PPP1R9A: variants seen among roughly 807,000 people sequenced by gnomAD.
The protein encoded by PPP1R9A is neurabin-1.
PPP1R9A carries 59 observed loss-of-function variants against 141.9 expected under a neutral mutation model. That is an observed-to-expected ratio of 0.42 (90% confidence interval 0.34 to 0.52). PPP1R9A has a LOEUF of 0.52. PPP1R9A is among the 20% of genes least tolerant of loss of function. PPP1R9A has a pLI of 0.10. For missense variants in PPP1R9A, 1,444 were observed against 1,611.9 expected (o/e 0.90, Z 1.78); for synonymous variants, 500 against 569.7 (o/e 0.88, Z 1.74).
At chr7:95,219,109 G>C (rs1793997364) in intron 7 of PPP1R9A, among the ~76,000 whole-genome samples, 1 of 152,134 alleles carries the variant, frequency 6.6e-6, no homozygotes, top group East Asian at 1.9e-4. Context: ...GGTGGTACTG[G>C]TTGTTCCTTT....
At chr7:95,151,941 CTTTTTTTTTTTTTT>C (rs1167382285) in intron 4 of PPP1R9A, among the ~76,000 whole-genome samples, 6 of 54,448 alleles carry the variant, frequency 1.1e-4, no homozygotes, top group South Asian at 7.4e-4. Context: ...TACTGAGAAT[CTTTTTTTTTTTTTT>C]TTTTTTTTTT....
At chr7:95,280,970 A>G (rs1037912811) in intron 16 of PPP1R9A, among the ~76,000 whole-genome samples, 4 of 152,206 alleles carry the variant, frequency 2.6e-5, no homozygotes, top group African/African-American at 9.6e-5. Context: ...TTCTGCTTCT[A>G]TTGTGGGCCC....
At chr7:95,061,288 G>A (rs1812197675) in intron 2 of PPP1R9A, among the ~76,000 whole-genome samples, 1 of 152,164 alleles carries the variant, frequency 6.6e-6, no homozygotes, top group Admixed American at 6.5e-5. Flanking sequence ...ATACGTGTAT[G>A]AGCTAACATC....
intron 7 of PPP1R9A, among the ~76,000 whole-genome samples, chr7:95,208,250 A>C (rs568052736): frequency 1.7e-4 from 26 of 152,294 alleles, no homozygotes; most frequent in South Asian, 4.1e-4. Context: ...CATAGATTAC[A>C]CTCTAGAAGA....
chr7:95,256,336 A>C (rs1799583266), intron 12 of PPP1R9A, among the ~76,000 whole-genome samples: 1 of 152,194 alleles, frequency 6.6e-6, no homozygotes, highest in Non-Finnish European at 1.5e-5. Context: ...AAACCTACTC[A>C]TATAAAATCA....
At chr7:95,060,127 C>G (rs1248959599) in intron 2 of PPP1R9A, among the ~76,000 whole-genome samples, 2 of 152,184 alleles carry the variant, frequency 1.3e-5, no homozygotes, top group Non-Finnish European at 2.9e-5. Context: ...GAAACACCAG[C>G]TCTGTAAGTA....
At chr7:95,000,184 C>T (rs1802720246) in intron 2 of PPP1R9A, among the ~76,000 whole-genome samples, 2 of 152,012 alleles carry the variant, frequency 1.3e-5, no homozygotes, top group African/African-American at 4.8e-5. Flanking sequence ...TTTTTCATAC[C>T]CATCATTGTG....
chr7:95,240,474 T>C (rs1409508677), intron 8 of PPP1R9A, among the ~76,000 whole-genome samples: 1 of 152,044 alleles, frequency 6.6e-6, no homozygotes, highest in Non-Finnish European at 1.5e-5. Context: ...GGTTTTATTT[T>C]GTCTTTTTTT....
chr7:94,911,013 C>G lies in PPP1R9A; in HGVS notation c.900C>G (p.Ser300Arg), dbSNP rs143733144. Residue 300 changes from serine to arginine, a missense_variant, in exon 2 of 20, where the codon AGC becomes AGG. Physicochemically the swap from Ser to Arg is moderately radical, Grantham distance 110. Transcript: ENST00000433360. ...ASIPGEEIQQSKEPEDSTSNQ... is the reference protein window; with the variant it reads ...ASIPGEEIQQRKEPEDSTSNQ... Reference sequence around the variant, plus strand: ...TACCTGGTGAAGAGATCCAGCAGAGCAAGGAACCCGAGGACTCCACATCTA... The same window carrying G: ...TACCTGGTGAAGAGATCCAGCAGAGGAAGGAACCCGAGGACTCCACATCTA... The G allele has an allele frequency of 6.2e-7, 1 of 1,614,112 alleles. No homozygotes were observed. Among genetic ancestry groups the G allele is most frequent in the East Asian group, 2.2e-5 (1 of 44,872 alleles).
Position 95,132,683 on chromosome 7 carries a change from C to T in PPP1R9A, c.1649+11851C>T, listed in dbSNP as rs186622541. Among the ~76,000 whole-genome samples, 1,320 of 152,198 alleles carry T rather than the reference C, an allele frequency of 8.7e-3. 41 individuals carry two copies. The highest frequency in any genetic ancestry group is 0.056 in the South Asian group (269 of 4,824). ...TCTTTGCTCAGGCTCACTGGGTTCA[C>T]GCTGCTCACCCGCCCGCTGCAGGCT... On this transcript the variant is annotated intron_variant, in intron 4 of 19. Coordinates refer to ENST00000433360, the MANE Select transcript of PPP1R9A (RefSeq NM_001166160.2).
chr7:95,064,048 A>G (rs1019918381), intron 2 of PPP1R9A, among the ~76,000 whole-genome samples: 3 of 152,204 alleles, frequency 2.0e-5, no homozygotes, highest in African/African-American at 2.4e-5. Context: ...AACTCTGTAC[A>G]TTCAGAAGAA....
At chr7:95,003,168 T>C (rs554731982) in intron 2 of PPP1R9A, among the ~76,000 whole-genome samples, 289 of 152,320 alleles carry the variant, frequency 1.9e-3, no homozygotes, top group Non-Finnish European at 3.6e-3. Context: ...TAAGTAATTT[T>C]AGTAAAGTGT....
At chr7:95,039,919 A>G (rs1466698898) in intron 2 of PPP1R9A, among the ~76,000 whole-genome samples, 2 of 152,152 alleles carry the variant, frequency 1.3e-5, no homozygotes, top group Admixed American at 6.5e-5. Flanking sequence ...CTCAGAGAAT[A>G]CCAGGTAGCA....
chr7:94,911,217 T>G lies in PPP1R9A; in HGVS notation c.1104T>G (p.Asp368Glu), dbSNP rs756555013. 6.2e-7 allele frequency: 1 copy of G among 1,614,192 alleles called. No individual in the cohort carries two copies. Among genetic ancestry groups the G allele is most frequent in the East Asian group, 2.2e-5 (1 of 44,880 alleles). Reference sequence around the variant, plus strand: ...AGAGGAAAGAACTTGCAGGTGGTGATTTCACCTCTCCTGATGCTTCTGCAT... The same window carrying G: ...AGAGGAAAGAACTTGCAGGTGGTGAGTTCACCTCTCCTGATGCTTCTGCAT... ...KQQRKELAGGDFTSPDASASS... is the reference protein window; with the variant it reads ...KQQRKELAGGEFTSPDASASS... The change falls in exon 2 of 20, where the codon GAT (aspartate) becomes GAG (glutamate). Residue 368 changes from aspartate to glutamate, a missense_variant. Coordinates refer to ENST00000433360, the MANE Select transcript of PPP1R9A (RefSeq NM_001166160.2).
At chr7:94,970,343 C>T (rs1798723003) in intron 2 of PPP1R9A, among the ~76,000 whole-genome samples, 1 of 152,194 alleles carries the variant, frequency 6.6e-6, no homozygotes, top group Non-Finnish European at 1.5e-5. Context: ...AGTATCTGGG[C>T]TGGAGTGAAC....
chr7:94,982,514 A>T (rs1800251943), intron 2 of PPP1R9A, among the ~76,000 whole-genome samples: 1 of 152,160 alleles, frequency 6.6e-6, no homozygotes, highest in Non-Finnish European at 1.5e-5. Context: ...AATGATCGCC[A>T]TTCTAACTGG....
At chr7:94,975,356 GTTTTTTTTTTTTTT>G (rs68186534) in intron 2 of PPP1R9A, among the ~76,000 whole-genome samples, 4 of 120,714 alleles carry the variant, frequency 3.3e-5, no homozygotes, top group Non-Finnish European at 5.3e-5. Flanking sequence ...GTTTTTTTTT[GTTTTTTTTTTTTTT>G]TTTTTTTTTT....
chr7:95,148,614 T>C (rs546620467), intron 4 of PPP1R9A, among the ~76,000 whole-genome samples: 64 of 149,034 alleles, frequency 4.3e-4, no homozygotes, highest in Non-Finnish European at 4.1e-4. Flanking sequence ...GAGGCCAAGA[T>C]GGGCAGATCA....
At chr7:94,913,358 A>G (rs1004651180) in intron 2 of PPP1R9A, among the ~76,000 whole-genome samples, 26 of 152,312 alleles carry the variant, frequency 1.7e-4, no homozygotes, top group Non-Finnish European at 2.9e-5. Flanking sequence ...GCTTATAACA[A>G]TAAGTATTTT....
Sources: gnomAD v4.1 joint callset for allele counts (sites outside exome capture counted in the v4.1 genomes callset) on GRCh38, gnomAD v4.1.1 for gene constraint, MANE v1.5 for transcripts, NCBI Gene and HGNC (gene_info 2026-07-23, HGNC 2026-07-21) for gene names.